Variants in LANCL2 observed in about 807,000 individuals in gnomAD.
The protein encoded by LANCL2 is LanC like glutathione S-transferase 2.
A neutral mutation model predicts 56.9 loss-of-function variants in LANCL2; 33 were observed. The observed-to-expected ratio is 0.58, with a 90% CI of 0.44 to 0.78. The LOEUF (loss-of-function observed/expected upper bound fraction) is 0.78. Among genes scored for constraint, LANCL2 ranks in the 30% least tolerant of loss-of-function variants. LANCL2 has a pLI of 0.00. For synonymous variants in LANCL2, 233 were observed against 228.2 expected (o/e 1.02, Z -0.19); for missense variants, 562 against 580.2 (o/e 0.97, Z 0.32).
chr7:55,398,760 C>A, intron 3 of LANCL2, 130 bp downstream of exon 3: 1 of 719,796 alleles, frequency 1.4e-6, no homozygotes, highest in Non-Finnish European at 2.4e-6. Context: ...AAATGTTAAT[C>A]TTGAGCATAG....
chr7:55,397,939 T>C (rs1380678038), intron 2 of LANCL2, among the ~76,000 whole-genome samples: 2 of 151,896 alleles, frequency 1.3e-5, no homozygotes, highest in Non-Finnish European at 2.9e-5. Flanking sequence ...CTAAAGAACA[T>C]TGAAAAATTG....
intron 6 of LANCL2, among the ~76,000 whole-genome samples, chr7:55,420,502 G>C (rs2128996117): frequency 6.6e-6 from 1 of 152,348 alleles, no homozygotes; most frequent in African/African-American, 2.4e-5. Flanking sequence ...TGTCCCACGT[G>C]CGTTTGAATG....
chr7:55,396,497 G>C (rs1378863338), intron 2 of LANCL2, among the ~76,000 whole-genome samples: 1 of 152,244 alleles, frequency 6.6e-6, no homozygotes, highest in Non-Finnish European at 1.5e-5. Context: ...TGCAGCTTCT[G>C]CTGGCCATCC....
At chr7:55,366,258 CCGGAGGGGGAGCGCGG>C in intron 1 of LANCL2, 29 bp downstream of exon 1, 1 of 1,447,356 alleles carries the variant, frequency 6.9e-7, no homozygotes, top group South Asian at 1.3e-5. Context: ...CGCAGAGGCG[CCGGAGGGGGAGCGCGG>C]CGGTGGTAGC....
intron 6 of LANCL2, among the ~76,000 whole-genome samples, chr7:55,423,830 C>A (rs930386858): frequency 3.9e-5 from 6 of 152,198 alleles, no homozygotes; most frequent in African/African-American, 1.4e-4. Flanking sequence ...ACCCCAGAGC[C>A]CACATCTTAG....
chr7:55,366,253 A>C, intron 1 of LANCL2, 24 bp downstream of exon 1: 1 of 1,454,874 alleles, frequency 6.9e-7, no homozygotes, highest in Non-Finnish European at 9.1e-7. Flanking sequence ...CTGGCCGCAG[A>C]GGCGCCGGAG....
chr7:55,433,322 A>T lies in LANCL2; in HGVS notation c.*2002A>T, dbSNP rs992290810. 13 of 152,280 alleles carry T rather than the reference A, an allele frequency of 8.5e-5. No individual in the cohort carries two copies. Among genetic ancestry groups the T allele is most frequent in the Admixed American group, 3.3e-4 (5 of 15,294 alleles). 9.4% of individuals were successfully genotyped at this position (152,280 alleles called of 1,614,324 possible). The stretch of plus-strand genomic sequence containing the variant: ...TAAAATCTGTGGAATAAAGGAGGAG[A>T]TTTTATTTACAGATTTTTTTAAAAG... On this transcript the variant is annotated 3_prime_UTR_variant, in exon 9 of 9. Coordinates refer to ENST00000254770, the MANE Select transcript of LANCL2 (RefSeq NM_018697.4).
chr7:55,418,989 T>C (rs993473904), intron 6 of LANCL2, among the ~76,000 whole-genome samples: 2 of 152,180 alleles, frequency 1.3e-5, no homozygotes, highest in African/African-American at 2.4e-5. Flanking sequence ...ATGATTTTTA[T>C]CCTTTTCTTT....
chr7:55,393,549 CAAACCAA>C (rs1180880216), intron 2 of LANCL2, among the ~76,000 whole-genome samples: 1 of 133,158 alleles, frequency 7.5e-6, no homozygotes, highest in Admixed American at 7.0e-5. Flanking sequence ...AAAAAACAAG[CAAACCAA>C]AAACCAAAAA....
chr7:55,425,379 G>T lies in LANCL2; in HGVS notation c.1134G>T (p.Leu378=). The change falls in exon 7 of 9, where the codon CTG becomes CTT. Residue 378 remains leucine (L), a synonymous_variant. Transcript: ENST00000254770. ...CTGCTGGCAACGGCTATTCCTTCCT[G>T]TCCCTTTACCGTCTCACGCAGGATA... ...HGTAGNGYSF[L]SLYRLTQDKK... The T allele has an allele frequency of 6.2e-7, 1 of 1,614,174 alleles. No individual in the cohort carries two copies. Among genetic ancestry groups the T allele is most frequent in the Non-Finnish European group, 8.5e-7 (1 of 1,180,040 alleles).
At position 55,398,647 on chromosome 7, in the gene LANCL2, G is replaced by A. The variant is rs761128184; in HGVS notation, c.530+17G>A. 6 of 1,591,924 alleles carry A rather than the reference G, an allele frequency of 3.8e-6. No individual in the cohort carries two copies. The East Asian group carries it at 1.1e-4, about 30-fold the overall frequency. ...TGTCACAAAGTGAGTTTTAGAACTG[G>A]AAACATTTTCTCCCAATTCCCAGTG... is the stretch of plus-strand genomic sequence containing the variant. On this transcript the variant is annotated intron_variant, in intron 3 of 8. Transcript: ENST00000254770.
chr7:55,390,610 ATC>A (rs755540664), intron 1 of LANCL2, among the ~76,000 whole-genome samples: 15 of 152,060 alleles, frequency 9.9e-5, no homozygotes, highest in Non-Finnish European at 2.1e-4. Flanking sequence ...GTCTCACCCC[ATC>A]TCTACTAAAA....
chr7:55,381,189 A>G (rs1015486681), intron 1 of LANCL2, among the ~76,000 whole-genome samples: 3 of 152,128 alleles, frequency 2.0e-5, no homozygotes, highest in Non-Finnish European at 4.4e-5. Flanking sequence ...GAATTTCTGT[A>G]GGGTATGTTA....
At position 55,391,814 on chromosome 7, in the gene LANCL2, C is replaced by A. The variant is rs774177159; in HGVS notation, c.226C>A (p.Arg76=). The A allele has an allele frequency of 1.9e-6, 3 of 1,603,456 alleles. No homozygotes were observed. Among genetic ancestry groups the A allele is most frequent in the Non-Finnish European group, 2.6e-6 (3 of 1,170,856 alleles). ...DGKIIHNFIR[R]IQTKIKDLLQ... ...TCAGATCATTCATAATTTCATAAGA[C>A]GGATCCAGACCAAAATTAAAGATCT... The change falls in exon 2 of 9, where the codon CGG becomes AGG. Residue 76 remains arginine (R), a synonymous_variant. Transcript: ENST00000254770.
chr7:55,381,747 G>A (rs181553963), intron 1 of LANCL2, among the ~76,000 whole-genome samples: 13 of 152,282 alleles, frequency 8.5e-5, no homozygotes, highest in Non-Finnish European at 1.5e-4. Context: ...TACATGGGAC[G>A]TACCCAGGGA....
At chr7:55,366,479 C>T (rs756411850) in intron 1 of LANCL2, among the ~76,000 whole-genome samples, 9 of 152,260 alleles carry the variant, frequency 5.9e-5, no homozygotes, top group African/African-American at 2.2e-4. Flanking sequence ...GCGGACAGTG[C>T]GCTTTCCTTC....
intron 2 of LANCL2, among the ~76,000 whole-genome samples, chr7:55,392,795 A>G (rs1223529657): frequency 2.0e-5 from 3 of 151,986 alleles, no homozygotes; most frequent in Non-Finnish European, 2.9e-5. Context: ...TATTTAACCT[A>G]ATATATAGCT....
chr7:55,399,856 AAAAT>A, intron 3 of LANCL2, 97 bp from the exon 4 acceptor site: 1 of 927,166 alleles, frequency 1.1e-6, no homozygotes, highest in Non-Finnish European at 1.6e-6. Flanking sequence ...TTTTAAATGT[AAAAT>A]AAATAATAGG....
chr7:55,415,824 AGGCTAGTCTTGAAC>A (rs1169535796), intron 6 of LANCL2, among the ~76,000 whole-genome samples: 2 of 151,946 alleles, frequency 1.3e-5, no homozygotes, highest in Non-Finnish European at 2.9e-5. Flanking sequence ...CATGTTGCCC[AGGCTAGTCTTGAAC>A]TCCTGACCTT....
Sources: gnomAD v4.1 joint callset for allele counts (sites outside exome capture counted in the v4.1 genomes callset) on GRCh38, gnomAD v4.1.1 for gene constraint, MANE v1.5 for transcripts, NCBI Gene and HGNC (gene_info 2026-07-23, HGNC 2026-07-21) for gene names.